NOL4: variants seen among roughly 807,000 people sequenced by gnomAD.
NOL4 encodes the protein cancer/testis antigen 125.
In NOL4, 17 loss-of-function variants were observed where a neutral mutation model predicts 75.9. That is an observed-to-expected ratio of 0.22 (90% confidence interval 0.15 to 0.34). The LOEUF (loss-of-function observed/expected upper bound fraction) is 0.34. Among genes scored for constraint, NOL4 ranks in the 10% least tolerant of loss-of-function variants. The probability of loss-of-function intolerance (pLI) is 1.00; values close to 1 mark genes in which losing one functional copy is unlikely to be tolerated. For synonymous variants in NOL4, 292 were observed against 289.9 expected (o/e 1.01, Z -0.07); for missense variants, 614 against 793.5 (o/e 0.77, Z 2.72).
At chr18:34,011,378 G>A (rs1253609644) in intron 6 of NOL4, among the ~76,000 whole-genome samples, 2 of 151,658 alleles carry the variant, frequency 1.3e-5, no homozygotes, top group African/African-American at 4.8e-5. Context: ...AACTCTATGA[G>A]TCTAGTATTA....
chr18:34,117,367 G>GA (rs1227766231), intron 2 of NOL4, among the ~76,000 whole-genome samples: 3 of 152,062 alleles, frequency 2.0e-5, no homozygotes, highest in Non-Finnish European at 4.4e-5. Flanking sequence ...TATCAGTATT[G>GA]AAAAAAGATA....
intron 5 of NOL4, among the ~76,000 whole-genome samples, chr18:34,082,716 C>T (rs4076036): frequency 0.27 from 40,980 of 151,998 alleles, 6,561 homozygotes; most frequent in East Asian, 0.44. Context: ...TGTCCCTATG[C>T]TGATAACCTG....
intron 1 of NOL4, chr18:34,221,928 A>G: frequency 9.6e-7 from 1 of 1,045,970 alleles, no homozygotes; most frequent in African/African-American, 1.6e-5. Context: ...GGAGGGGGGA[A>G]AGGAAGAAAT....
chr18:33,890,179 T>G (rs1388093108), intron 9 of NOL4, among the ~76,000 whole-genome samples: 1 of 152,152 alleles, frequency 6.6e-6, no homozygotes, highest in Non-Finnish European at 1.5e-5. Context: ...GATAAGCAAC[T>G]TCAGCAAAGT....
chr18:34,212,362 A>G (rs1203570070), intron 1 of NOL4, among the ~76,000 whole-genome samples: 2 of 152,236 alleles, frequency 1.3e-5, no homozygotes. Flanking sequence ...GAAAAAGAAC[A>G]TTTAAGCTAT....
At chr18:33,987,685 C>A (rs755992933) in intron 6 of NOL4, among the ~76,000 whole-genome samples, 13 of 152,040 alleles carry the variant, frequency 8.6e-5, no homozygotes, top group Non-Finnish European at 1.6e-4. Context: ...AAATAATTAA[C>A]CCAAAGTGAC....
intron 4 of NOL4, among the ~76,000 whole-genome samples, chr18:34,097,777 CAT>C (rs1261104880): frequency 2.6e-5 from 4 of 152,074 alleles, no homozygotes; most frequent in Non-Finnish European, 4.4e-5. Flanking sequence ...ATACAGTAAA[CAT>C]CTTAATAGAT....
intron 9 of NOL4, among the ~76,000 whole-genome samples, chr18:33,920,449 A>C (rs2145260375): frequency 6.6e-6 from 1 of 152,352 alleles, no homozygotes; most frequent in South Asian, 2.1e-4. Context: ...TATTAGGTAT[A>C]GCTAATGAGC....
At chr18:34,196,243 T>G (rs931656004) in intron 1 of NOL4, among the ~76,000 whole-genome samples, 1 of 152,242 alleles carries the variant, frequency 6.6e-6, no homozygotes, top group African/African-American at 2.4e-5. Flanking sequence ...CTTTAATGTG[T>G]GCATATACTT....
At chr18:34,114,653 A>C (rs2145779486) in intron 2 of NOL4, among the ~76,000 whole-genome samples, 1 of 152,326 alleles carries the variant, frequency 6.6e-6, no homozygotes, top group South Asian at 2.1e-4. Flanking sequence ...TTATTTTAGC[A>C]AATGGTTAAA....
chr18:34,011,667 A>C (rs2074381695), intron 6 of NOL4, among the ~76,000 whole-genome samples: 1 of 151,848 alleles, frequency 6.6e-6, no homozygotes, highest in South Asian at 2.1e-4. Flanking sequence ...CAGAAAGCCC[A>C]TAAACAAATA....
At chr18:33,887,083 TA>T (rs1356644106) in intron 9 of NOL4, among the ~76,000 whole-genome samples, 1 of 141,156 alleles carries the variant, frequency 7.1e-6, no homozygotes, top group Non-Finnish European at 1.5e-5. Flanking sequence ...TATATCTATA[TA>T]TATTAGATAT....
chr18:34,100,910 T>G (rs1387748427), intron 4 of NOL4, among the ~76,000 whole-genome samples: 1 of 152,188 alleles, frequency 6.6e-6, no homozygotes, highest in Non-Finnish European at 1.5e-5. Context: ...TCACATGAAC[T>G]TCTAGTATCA....
intron 1 of NOL4, among the ~76,000 whole-genome samples, chr18:34,172,015 CA>C (rs2033093283): frequency 6.6e-6 from 1 of 151,936 alleles, no homozygotes; most frequent in African/African-American, 2.4e-5. Flanking sequence ...AGCTTTTGTA[CA>C]AAAGCAAACA....
intron 7 of NOL4, 111 bp from the exon 8 acceptor site, chr18:33,957,628 T>A: frequency 3.7e-6 from 3 of 800,022 alleles, no homozygotes; most frequent in South Asian, 2.6e-5. Flanking sequence ...GTTTATGCAC[T>A]GGAGAACTTT....
At chr18:34,140,733 T>A (rs1165101954) in intron 1 of NOL4, among the ~76,000 whole-genome samples, 2 of 152,188 alleles carry the variant, frequency 1.3e-5, no homozygotes, top group African/African-American at 4.8e-5. Context: ...TGATGTTAGC[T>A]GGGTATATTG....
intron 5 of NOL4, among the ~76,000 whole-genome samples, chr18:34,036,964 G>A (rs908487602): frequency 1.3e-5 from 2 of 152,036 alleles, no homozygotes; most frequent in African/African-American, 4.8e-5. Flanking sequence ...CATCACAGTT[G>A]CAAAAACAAA....
rs1264405641 is a variant in NOL4, at chr18:33,997,957, A to T, written c.1056+21361T>A. On this transcript the variant is annotated intron_variant, in intron 6 of 10. Coordinates refer to ENST00000261592, the MANE Select transcript of NOL4 (RefSeq NM_003787.5). ...ATTGGGCTGAATAATGAAGGAATGA[A>T]ATATGGACCCATACTACAAAATGGA... is the stretch of plus-strand genomic sequence containing the variant. Among the ~76,000 whole-genome samples, 5 of 151,944 alleles carry T rather than the reference A, an allele frequency of 3.3e-5. No homozygotes were observed. The East Asian group carries it at 9.7e-4, about 29-fold the overall frequency.
intron 9 of NOL4, among the ~76,000 whole-genome samples, chr18:33,929,392 T>C (rs1443863189): frequency 6.6e-6 from 1 of 152,152 alleles, no homozygotes; most frequent in Non-Finnish European, 1.5e-5. Flanking sequence ...GTTCCTCCTC[T>C]AGGAAGCCCT....
Sources: allele counts gnomAD v4.1 joint callset (sites outside exome capture counted in the v4.1 genomes callset), GRCh38; gene constraint gnomAD v4.1.1; transcripts MANE v1.5; gene names NCBI Gene and HGNC (gene_info 2026-07-23, HGNC 2026-07-21).